The following TMOD1 variants were observed in gnomAD, a reference collection of about 807,000 sequenced individuals.
TMOD1 encodes tropomodulin 1, also known as tropomodulin-1.
In TMOD1, 17 loss-of-function variants were observed where a neutral mutation model predicts 40.6. That is an observed-to-expected ratio of 0.42 (90% CI 0.29 to 0.63). TMOD1 has a LOEUF of 0.63. Among genes scored for constraint, TMOD1 ranks in the 20% least tolerant of loss-of-function variants. The probability of loss-of-function intolerance (pLI) is 0.22; values close to 1 mark genes in which losing one functional copy is unlikely to be tolerated. For missense variants in TMOD1, 391 were observed against 447.6 expected, an observed-to-expected ratio of 0.87 and a Z score of 1.14; for synonymous variants, 181 against 175.0, an observed-to-expected ratio of 1.03 and a Z score of -0.27.
rs1263513848 is a variant in TMOD1 at position 97,564,073 on chromosome 9, G to A, written c.523G>A (p.Asp175Asn). 11 of 1,614,048 alleles carry A rather than the reference G, an allele frequency of 6.8e-6. No individual in the cohort carries two copies. Among genetic ancestry groups the A allele is most frequent in the South Asian group, 2.2e-5 (2 of 91,084 alleles). Residue 175 changes from aspartate (D) to asparagine (N), a missense_variant, in exon 6 of 10, where the codon GAC becomes AAC. Physicochemically the swap from Asp to Asn is conservative, Grantham distance 23. Transcript: ENST00000259365. The part of the protein sequence containing the change: ...IKPTQYKPVP[D>N]EEPNSTDVEE... The stretch of plus-strand genomic sequence containing the variant: ...ACCCACACAATACAAGCCTGTGCCC[G>A]ACGAAGAACCAAATTCAACAGACGT...
chr9:97,527,852 G>A (rs1587922016), intron 2 of TMOD1, among the ~76,000 whole-genome samples: 1 of 152,196 alleles, frequency 6.6e-6, no homozygotes, highest in East Asian at 1.9e-4. Context: ...GCACCTGAGG[G>A]CCCTGCAGGC....
chr9:97,504,141 C>T (rs562268037), intron 1 of TMOD1, among the ~76,000 whole-genome samples: 18 of 152,278 alleles, frequency 1.2e-4, no homozygotes, highest in African/African-American at 2.2e-4. Context: ...GTCTGAGCCT[C>T]GTTTTCTCCT....
intron 6 of TMOD1, among the ~76,000 whole-genome samples, chr9:97,564,482 C>T (rs186012021): frequency 2.2e-4 from 33 of 152,284 alleles, no homozygotes; most frequent in African/African-American, 7.2e-4. Context: ...AGAGATTCTC[C>T]GAGATAAAAT....
intron 8 of TMOD1, among the ~76,000 whole-genome samples, chr9:97,577,563 G>A (rs1332566028): frequency 1.3e-5 from 2 of 152,138 alleles, no homozygotes; most frequent in Non-Finnish European, 2.9e-5. Flanking sequence ...TGAGGTGGGT[G>A]GATCACTTGA....
intron 2 of TMOD1, among the ~76,000 whole-genome samples, chr9:97,529,885 AGCAAAGCCCTACG>A (rs926605573): frequency 1.3e-5 from 2 of 152,346 alleles, no homozygotes; most frequent in African/African-American, 4.8e-5. Context: ...GTGTGCCATA[AGCAAAGCCCTACG>A]TGGATTATCT....
chr9:97,539,994 A>G (rs1456463450), intron 2 of TMOD1, among the ~76,000 whole-genome samples: 1 of 151,428 alleles, frequency 6.6e-6, no homozygotes, highest in African/African-American at 2.4e-5. Context: ...AAAAAAAGAA[A>G]AGAAAAAAAG....
At chr9:97,520,887 T>C (rs1271158755) in intron 1 of TMOD1, among the ~76,000 whole-genome samples, 1 of 152,188 alleles carries the variant, frequency 6.6e-6, no homozygotes, top group Non-Finnish European at 1.5e-5. Flanking sequence ...CCCAGCCCCT[T>C]TTCCCCAAGC....
chr9:97,593,103 T>C (rs1826035146), intron 9 of TMOD1, among the ~76,000 whole-genome samples: 1 of 152,206 alleles, frequency 6.6e-6, no homozygotes, highest in South Asian at 2.1e-4. Context: ...AATAATCTCA[T>C]ATTTGTTTCC....
chr9:97,559,794 A>AATATATATAT (rs1193457397), intron 4 of TMOD1, among the ~76,000 whole-genome samples: 67 of 23,114 alleles, frequency 2.9e-3, no homozygotes, highest in South Asian at 0.013. Context: ...AAAAAAAAAA[A>AATATATATAT]ATATATATAT....
At chr9:97,514,926 C>T (rs1052557469) in intron 1 of TMOD1, among the ~76,000 whole-genome samples, 7 of 152,178 alleles carry the variant, frequency 4.6e-5, no homozygotes, top group Non-Finnish European at 4.4e-5. Context: ...CCTGGCCCTG[C>T]CCTAGGGCAG....
At chr9:97,568,837 C>A in intron 7 of TMOD1, 57 bp from the exon 8 acceptor site, 1 of 1,601,018 alleles carries the variant, frequency 6.2e-7, no homozygotes, top group Admixed American at 1.7e-5. Flanking sequence ...CCCAGAGGGG[C>A]CTCCAGCCTT....
In TMOD1 at chr9:97,524,497, G is replaced by GGTGTGTGTGTGTGTGTGTGT. The variant is rs71369515; in HGVS notation, c.120+194_120+213dup. On this transcript the variant is annotated intron_variant, in intron 2 of 9. Coordinates refer to ENST00000259365, the MANE Select transcript of TMOD1 (RefSeq NM_003275.4). ...CTCCAGAGAAAGAGAGAACCAATAGGGTGTGTGTGTGTGTGTGTGTGTGTA... is the reference window on the plus strand; with the variant it reads ...CTCCAGAGAAAGAGAGAACCAATAGGGTGTGTGTGTGTGTGTGTGTGTGTGTGTGTGTGTGTGTGTGTGTA... 2.1e-3 allele frequency among the ~76,000 whole-genome samples: 303 copies of GGTGTGTGTGTGTGTGTGTGT among 143,016 alleles called. 9 individuals are homozygous for GGTGTGTGTGTGTGTGTGTGT. The highest frequency in any genetic ancestry group is 7.7e-3 in the African/African-American group (287 of 37,196). The allele number at this position is 143,016 out of a possible 152,430, so 93.8% of individuals were successfully genotyped here.
At chr9:97,518,932 T>G (rs77329860) in intron 1 of TMOD1, among the ~76,000 whole-genome samples, 88 of 152,358 alleles carry the variant, frequency 5.8e-4, no homozygotes, top group African/African-American at 2.0e-3. Context: ...AAGGATGGAC[T>G]TTCTAAGTCA....
intron 8 of TMOD1, among the ~76,000 whole-genome samples, chr9:97,584,700 A>G (rs949626920): frequency 2.0e-5 from 3 of 152,020 alleles, no homozygotes; most frequent in East Asian, 1.9e-4. Flanking sequence ...TTGGGTGCAT[A>G]TATATTTAGG....
intron 9 of TMOD1, 93 bp from the exon 10 acceptor site, chr9:97,599,541 T>C (rs2131300050): frequency 1.3e-6 from 2 of 1,509,558 alleles, no homozygotes; most frequent in South Asian, 1.1e-5. Context: ...ACAAACCAAT[T>C]AGTGCGAGGT....
chr9:97,507,954 G>C (rs1209287392), intron 1 of TMOD1, among the ~76,000 whole-genome samples: 1 of 152,026 alleles, frequency 6.6e-6, no homozygotes, highest in East Asian at 1.9e-4. Flanking sequence ...ACAAGGCCAG[G>C]GAACCTAGGA....
At chr9:97,552,830 T>C (rs529534706) in intron 3 of TMOD1, among the ~76,000 whole-genome samples, 1 of 152,354 alleles carries the variant, frequency 6.6e-6, no homozygotes, top group Admixed American at 6.5e-5. Flanking sequence ...AATCTGACAC[T>C]TTAAAAATAT....
intron 9 of TMOD1, among the ~76,000 whole-genome samples, chr9:97,595,808 C>G (rs942383833): frequency 6.6e-6 from 1 of 152,094 alleles, no homozygotes; most frequent in African/African-American, 2.4e-5. Flanking sequence ...TACGGTGGCT[C>G]ACACCTGTAA....
At chr9:97,595,319 C>A (rs1160436713) in intron 9 of TMOD1, among the ~76,000 whole-genome samples, 1 of 152,162 alleles carries the variant, frequency 6.6e-6, no homozygotes, top group Non-Finnish European at 1.5e-5. Flanking sequence ...TTATAAAACA[C>A]CTTATTCCTC....
Sources: allele counts gnomAD v4.1 joint callset (sites outside exome capture counted in the v4.1 genomes callset), GRCh38; gene constraint gnomAD v4.1.1; transcripts MANE v1.5; gene names NCBI Gene and HGNC (gene_info 2026-07-23, HGNC 2026-07-21).